The following WWOX variants were observed in gnomAD, a reference collection of about 807,000 sequenced individuals.
WWOX encodes WW domain containing oxidoreductase.
WWOX carries 69 observed loss-of-function variants against 46.2 expected under a neutral mutation model. That is an observed-to-expected ratio of 1.49 (90% confidence interval 1.23 to 1.82). The LOEUF (loss-of-function observed/expected upper bound fraction) is 1.82. WWOX is among the 40% of genes most tolerant of loss of function. The pLI, the probability that WWOX is intolerant of heterozygous loss-of-function variation, is 0.00. For missense variants in WWOX, 919 were observed against 542.6 expected, an observed-to-expected ratio of 1.69 and a Z score of -6.89; for synonymous variants, 359 against 202.6, an observed-to-expected ratio of 1.77 and a Z score of -6.56.
intron 8 of WWOX, among the ~76,000 whole-genome samples, chr16:78,562,857 A>C (rs1175082240): frequency 6.6e-6 from 1 of 152,186 alleles, no homozygotes; most frequent in African/African-American, 2.4e-5. Flanking sequence ...CACATCCCAT[A>C]GCTGAGCGAC....
chr16:78,981,338 G>A (rs1000101499), intron 8 of WWOX, among the ~76,000 whole-genome samples: 5 of 152,050 alleles, frequency 3.3e-5, no homozygotes, highest in East Asian at 1.9e-4. Flanking sequence ...GGGGGAAAAC[G>A]CCAGCAGATC....
chr16:78,952,745 T>C (rs140361899), intron 8 of WWOX, among the ~76,000 whole-genome samples: 1 of 152,166 alleles, frequency 6.6e-6, no homozygotes, highest in Non-Finnish European at 1.5e-5. Context: ...CCGTAGGGCA[T>C]GTGTTTGTTT....
chr16:78,455,798 A>AG (rs58669835), intron 8 of WWOX, among the ~76,000 whole-genome samples: 5,015 of 134,834 alleles, frequency 0.037, 181 homozygotes, highest in South Asian at 0.19. Flanking sequence ...AGGTTAAAAA[A>AG]AAAAAAAAGG....
At chr16:78,809,137 C>G (rs950232806) in intron 8 of WWOX, among the ~76,000 whole-genome samples, 1 of 151,912 alleles carries the variant, frequency 6.6e-6, no homozygotes, top group Non-Finnish European at 1.5e-5. Context: ...TCCCCCTGCA[C>G]CCTTCTCAGA....
intron 8 of WWOX, among the ~76,000 whole-genome samples, chr16:78,877,236 C>A (rs1401325583): frequency 3.3e-5 from 5 of 152,088 alleles, no homozygotes; most frequent in African/African-American, 1.2e-4. Context: ...AAGGCAAAAT[C>A]GTCACAGTAG....
At chr16:78,447,359 T>C (rs1371418353) in intron 8 of WWOX, among the ~76,000 whole-genome samples, 1 of 152,360 alleles carries the variant, frequency 6.6e-6, no homozygotes, top group South Asian at 2.1e-4. Flanking sequence ...GCTTATTGCA[T>C]CATCATGTAG....
At chr16:78,598,374 A>G (rs1408020256) in intron 8 of WWOX, among the ~76,000 whole-genome samples, 1 of 152,204 alleles carries the variant, frequency 6.6e-6, no homozygotes, top group East Asian at 1.9e-4. Context: ...GCTCATGTAG[A>G]CTGGGTTAAA....
At chr16:78,184,510 A>G (rs887162507) in intron 5 of WWOX, among the ~76,000 whole-genome samples, 1 of 152,228 alleles carries the variant, frequency 6.6e-6, no homozygotes, top group Non-Finnish European at 1.5e-5. Flanking sequence ...AATTAAAAAT[A>G]TTAAACAGCT....
intron 5 of WWOX, among the ~76,000 whole-genome samples, chr16:78,188,943 G>A (rs2035795266): frequency 6.6e-6 from 1 of 152,182 alleles, no homozygotes; most frequent in Admixed American, 6.5e-5. Flanking sequence ...CAGGGTACAA[G>A]GAAAAGGGGA....
intron 8 of WWOX, among the ~76,000 whole-genome samples, chr16:79,054,930 C>G (rs1413165434): frequency 6.6e-6 from 1 of 152,156 alleles, no homozygotes; most frequent in East Asian, 1.9e-4. Flanking sequence ...GCAATTGCAG[C>G]AAATACCAAG....
chr16:78,531,295 C>T lies in WWOX; in HGVS notation c.1056+98543C>T, dbSNP rs1001131132. ...TTCCATTCTCCGAGATGGATGGTTG[C>T]ATTAGTATTTATTTCCTTTTTGTTT... is the stretch of plus-strand genomic sequence containing the variant. On this transcript the variant is annotated intron_variant, in intron 8 of 8. Transcript: ENST00000566780. 2.0e-5 allele frequency among the ~76,000 whole-genome samples: 3 copies of T among 152,116 alleles called. No homozygotes were observed. In the East Asian group the frequency reaches 5.8e-4, roughly 29 times the overall value.
intron 5 of WWOX, among the ~76,000 whole-genome samples, chr16:78,191,503 T>C (rs192911918): frequency 1.5e-3 from 226 of 152,334 alleles, no homozygotes; most frequent in African/African-American, 5.2e-3. Flanking sequence ...TTTTAGGAAG[T>C]TGCATTTAAA....
chr16:78,175,113 G>T (rs1055880280), intron 5 of WWOX, among the ~76,000 whole-genome samples: 1 of 152,052 alleles, frequency 6.6e-6, no homozygotes, highest in Non-Finnish European at 1.5e-5. Context: ...GGGCAGAAAG[G>T]TGCCTATCAT....
intron 8 of WWOX, among the ~76,000 whole-genome samples, chr16:78,834,200 C>T (rs765323512): frequency 6.6e-6 from 1 of 152,158 alleles, no homozygotes; most frequent in Non-Finnish European, 1.5e-5. Context: ...TGTAAATTTG[C>T]ATTGTTTGTG....
At chr16:78,522,587 T>C (rs1393288872) in intron 8 of WWOX, among the ~76,000 whole-genome samples, 1 of 152,234 alleles carries the variant, frequency 6.6e-6, no homozygotes, top group Non-Finnish European at 1.5e-5. Flanking sequence ...GGGAAATTGC[T>C]CAGTTCCTGT....
intron 8 of WWOX, among the ~76,000 whole-genome samples, chr16:78,752,891 C>G (rs2049521281): frequency 6.6e-6 from 1 of 152,202 alleles, no homozygotes; most frequent in South Asian, 2.1e-4. Context: ...CTGGTCCCAT[C>G]TTGGCTGGGT....
intron 5 of WWOX, among the ~76,000 whole-genome samples, chr16:78,377,914 G>A (rs976523140): frequency 6.6e-6 from 1 of 152,084 alleles, no homozygotes; most frequent in Non-Finnish European, 1.5e-5. Context: ...AGCAACACAA[G>A]GCAAAAATTT....
intron 8 of WWOX, among the ~76,000 whole-genome samples, chr16:78,809,136 A>G (rs867380492): frequency 5.3e-5 from 8 of 151,850 alleles, no homozygotes; most frequent in African/African-American, 1.7e-4. Flanking sequence ...CTCCCCCTGC[A>G]CCCTTCTCAG....
intron 5 of WWOX, among the ~76,000 whole-genome samples, chr16:78,247,499 G>A (rs1167075188): frequency 6.6e-6 from 1 of 152,076 alleles, no homozygotes; most frequent in Non-Finnish European, 1.5e-5. Context: ...GCTGACCAGG[G>A]AGGTAACACA....
Sources: allele counts gnomAD v4.1 joint callset (sites outside exome capture counted in the v4.1 genomes callset), GRCh38; gene constraint gnomAD v4.1.1; transcripts MANE v1.5; gene names NCBI Gene and HGNC (gene_info 2026-07-23, HGNC 2026-07-21).